The following ARAP1 variants were observed in gnomAD, a reference collection of about 807,000 sequenced individuals.
The protein encoded by ARAP1 is ArfGAP with RhoGAP domain, ankyrin repeat and PH domain 1.
ARAP1 carries 76 observed loss-of-function variants against 172.2 expected under a neutral mutation model. That is an observed-to-expected ratio of 0.44 (90% CI 0.37 to 0.53). The LOEUF is 0.53. ARAP1 is among the 20% of genes least tolerant of loss of function. The pLI, the probability that ARAP1 is intolerant of heterozygous loss-of-function variation, is 0.00. For missense variants in ARAP1, 1,686 were observed against 1,977.5 expected, an observed-to-expected ratio of 0.85 and a Z score of 2.80; for synonymous variants, 804 against 803.3, an observed-to-expected ratio of 1.00 and a Z score of -0.01.
At position 72,696,571 on chromosome 11, in the gene ARAP1, C is replaced by T. The variant is rs1393446128; in HGVS notation, c.3250G>A (p.Ala1084Thr). Residue 1084 changes from alanine (A) to threonine (T), a missense_variant, in exon 23 of 35, where the codon GCC becomes ACC. By Grantham distance (58) the Ala-to-Thr change is moderately conservative. This residue lies in a region of ARAP1 where 379 missense variants were observed against 500.1 expected (regional missense o/e 0.76). Transcript: ENST00000393609. Reference sequence around the variant, plus strand: ...CACCAGTACAGGTGGCTGATAAGGGCCTTCACTGTGGCCCGGTTGACAGGG... The same window carrying T: ...CACCAGTACAGGTGGCTGATAAGGGTCTTCACTGTGGCCCGGTTGACAGGG... ...LPPVNRATVK[A>T]LISHLYCVQC... 1.3e-6 allele frequency: 2 copies of T among 1,595,774 alleles called. No homozygotes were observed. The highest frequency in any genetic ancestry group is 1.7e-5 in the Admixed American group (1 of 57,656).
rs1310646988 is a variant in ARAP1, at chr11:72,695,575, C to G, written c.3474G>C (p.Lys1158Asn). ...CACTGGCAGTGCCAGCCACGCGCATCTTCACAATGGCAGTGATCTCCTCCC... is the reference window on the plus strand; with the variant it reads ...CACTGGCAGTGCCAGCCACGCGCATGTTCACAATGGCAGTGATCTCCTCCC... ...KQREEITAIV[K>N]MRVAGTASGT... is the part of the protein sequence containing the mutation. The change falls in exon 25 of 35, where the codon AAG becomes AAC. Residue 1158 changes from lysine to asparagine, a missense_variant. By Grantham distance (94) the Lys-to-Asn change is moderately conservative. Around this residue, in one of 5 missense-constraint regions of ARAP1, gnomAD observed 379 missense variants for 500.1 expected, o/e 0.76. Coordinates refer to ENST00000393609, the MANE Select transcript of ARAP1 (RefSeq NM_001040118.3). The surrounding 1 kb of genome is among the most constrained non-coding windows in gnomAD (Gnocchi z 4.4). 1 of 1,614,020 alleles carries G rather than the reference C, an allele frequency of 6.2e-7. No individual in the cohort carries two copies. Among genetic ancestry groups the G allele is most frequent in the African/African-American group, 1.3e-5 (1 of 74,948 alleles).
In ARAP1 at chr11:72,693,513, T is replaced by C. The variant is rs1356159413; in HGVS notation, c.3809-43A>G. 3 of 1,588,502 alleles carry C rather than the reference T, an allele frequency of 1.9e-6. No homozygotes were observed. The highest frequency in any genetic ancestry group is 2.6e-6 in the Non-Finnish European group (3 of 1,163,958). ...AGTGGGCACAGGCTGCACCAACCCC[T>C]ACCCGGGGCTGGGTCCCAGGATGAA... On this transcript the variant is annotated intron_variant, in intron 28 of 34. Transcript: ENST00000393609. This position sits in a 1 kb window ranked among gnomAD's most constrained non-coding sequence, Gnocchi z 4.6.
At chr11:72,685,999 C>A in intron 34 of ARAP1, 43 bp downstream of exon 34, 1 of 1,613,656 alleles carries the variant, frequency 6.2e-7, no homozygotes, top group East Asian at 2.2e-5. Flanking sequence ...GGCACCCAGC[C>A]AGGCCCCCAG....
At position 72,695,646 on chromosome 11, in the gene ARAP1, G is replaced by A. The variant is rs368907367; in HGVS notation, c.3421-18C>T. The A allele has an allele frequency of 1.2e-6, 2 of 1,613,944 alleles. No homozygotes were observed. The highest frequency in any genetic ancestry group is 2.7e-5 in the African/African-American group (2 of 74,928). On this transcript the variant is annotated intron_variant, in intron 24 of 34. Coordinates refer to ENST00000393609, the MANE Select transcript of ARAP1 (RefSeq NM_001040118.3). The surrounding 1 kb of genome is among the most constrained non-coding windows in gnomAD (Gnocchi z 4.4). ...TCATCCACCTGGGAAGGGGCGAGAG[G>A]CAGGGACAGGTGGTCACCGTCATCT...
intron 2 of ARAP1, among the ~76,000 whole-genome samples, chr11:72,731,060 C>T (rs970577085): frequency 5.3e-5 from 8 of 152,144 alleles, no homozygotes; most frequent in Non-Finnish European, 7.3e-5. Flanking sequence ...TGTGCAGCTA[C>T]TGGTAAATGA....
chr11:72,699,240 G>C lies in ARAP1; in HGVS notation c.2439-133C>G. 1.5e-6 allele frequency: 2 copies of C among 1,374,866 alleles called. No homozygotes were observed. Among genetic ancestry groups the C allele is most frequent in the Non-Finnish European group, 2.0e-6 (2 of 996,666 alleles). The allele number at this position is 1,374,866 out of a possible 1,614,324, so 85.2% of individuals were successfully genotyped here. On this transcript the variant is annotated intron_variant, in intron 17 of 34. Transcript: ENST00000393609. This position sits in a 1 kb window ranked among gnomAD's most constrained non-coding sequence, Gnocchi z 4.2. ...TTGTCCTTATTCTGGTCCCCTAAGA[G>C]GTGGTGGAAAAGTCTTGGGCTGGGG...
At chr11:72,687,163 T>C (rs746670790) in intron 33 of ARAP1, 2 of 509,590 alleles carry the variant, frequency 3.9e-6, no homozygotes, top group Non-Finnish European at 7.2e-6. Context: ...CACTGGGCTA[T>C]AACTGGCCAC....
intron 31 of ARAP1, among the ~76,000 whole-genome samples, 176 bp from the exon 32 acceptor site, chr11:72,687,914 G>A (rs984190958): frequency 6.6e-6 from 1 of 152,044 alleles, no homozygotes; most frequent in Admixed American, 6.6e-5. Context: ...AGCCTCCCAG[G>A]CCCTTGACAC....
Position 72,697,079 on chromosome 11 carries a change from C to T in ARAP1, c.3070G>A (p.Val1024Met). Residue 1024 changes from valine (V) to methionine (M), a missense_variant, in exon 22 of 35, where the codon GTG becomes ATG. Coordinates refer to ENST00000393609, the MANE Select transcript of ARAP1 (RefSeq NM_001040118.3). ...TTGAGCGCCGAGGAAACATCATCCA[C>T]GTGCTGCTCGCCCTCCTTGAGGTGC... is the stretch of plus-strand genomic sequence containing the variant. ...SVHLKEGEQH[V>M]DDVSSALKRF... is the part of the protein sequence containing the mutation. 1.2e-6 allele frequency: 2 copies of T among 1,609,934 alleles called. No individual in the cohort carries two copies. The highest frequency in any genetic ancestry group is 1.7e-6 in the Non-Finnish European group (2 of 1,179,934).
chr11:72,700,853 C>T (rs1437000056), intron 16 of ARAP1, among the ~76,000 whole-genome samples: 1 of 152,172 alleles, frequency 6.6e-6, no homozygotes, highest in Admixed American at 6.5e-5. Context: ...ACTAAATTAG[C>T]CAGGCATGAT....
chr11:72,685,670 G>A lies in ARAP1; in HGVS notation c.4347C>T (p.Asn1449=), dbSNP rs151103578. ...FTADPLSLLR[N]V is the part of the protein sequence containing the mutation. ...CAAGGATGGGCTCCTGTGCTCAGACGTTGCGCAGAAGCTGCAGGAAGGCAA... is the reference window on the plus strand; with the variant it reads ...CAAGGATGGGCTCCTGTGCTCAGACATTGCGCAGAAGCTGCAGGAAGGCAA... Residue 1449 remains asparagine, a synonymous_variant, in exon 35 of 35, where the codon AAC becomes AAT. Coordinates refer to ENST00000393609, the MANE Select transcript of ARAP1 (RefSeq NM_001040118.3). 108 of 1,613,968 alleles carry A rather than the reference G, an allele frequency of 6.7e-5. No homozygotes were observed. Among genetic ancestry groups the A allele is most frequent in the Admixed American group, 1.5e-4 (9 of 60,004 alleles).
chr11:72,712,921 GT>G, intron 5 of ARAP1: 1 of 598,230 alleles, frequency 1.7e-6, no homozygotes, highest in Non-Finnish European at 3.0e-6. Context: ...AACACACAGG[GT>G]GGGGGGAGGC....
chr11:72,704,126 G>A (rs1215974705), intron 14 of ARAP1, 26 bp downstream of exon 14: 1 of 1,613,868 alleles, frequency 6.2e-7, no homozygotes, highest in Admixed American at 1.7e-5. Flanking sequence ...TGGTCCCAAG[G>A]GGCCCCAGAG....
At chr11:72,690,024 G>A (rs182429932) in intron 30 of ARAP1, among the ~76,000 whole-genome samples, 100 of 152,324 alleles carry the variant, frequency 6.6e-4, no homozygotes, top group Admixed American at 2.7e-3. Context: ...AAAGAGATTC[G>A]GCTGCAGGCA....
chr11:72,719,831 C>T (rs1857435061), intron 3 of ARAP1, among the ~76,000 whole-genome samples: 1 of 152,134 alleles, frequency 6.6e-6, no homozygotes, highest in African/African-American at 2.4e-5. Flanking sequence ...TCAGTGCATA[C>T]TTACAGGCCT....
rs10570876 is a variant in ARAP1, at chr11:72,725,295, CCTCTCTCT to C, written c.509+1317_509+1324del. On this transcript the variant is annotated intron_variant, in intron 3 of 34. Transcript: ENST00000393609. This position sits in a 1 kb window ranked among gnomAD's most constrained non-coding sequence, Gnocchi z 4.3. ...TTCTCTATCCTCTTCTCTCTTCTAA[CCTCTCTCT>C]CTCTCTCTCTCTCTCTTTTTCTCTC... is the stretch of plus-strand genomic sequence containing the variant. Among the ~76,000 whole-genome samples, 489 of 147,972 alleles carry C rather than the reference CCTCTCTCT, an allele frequency of 3.3e-3. 2 individuals carry two copies. The highest frequency in any genetic ancestry group is 5.3e-3 in the Non-Finnish European group (357 of 66,870).
At chr11:72,722,507 G>T (rs1418881729) in intron 3 of ARAP1, 3 of 289,544 alleles carry the variant, frequency 1.0e-5, no homozygotes, top group Non-Finnish European at 1.5e-5. Flanking sequence ...AAGCCCTGGC[G>T]GTGGCCTCTC....
At chr11:72,713,356 C>T in intron 4 of ARAP1, 113 bp from the exon 5 acceptor site, 3 of 963,024 alleles carry the variant, frequency 3.1e-6, no homozygotes, top group Non-Finnish European at 4.7e-6. Context: ...ATCCCCACCT[C>T]CCCCTGGCTT....
intron 2 of ARAP1, among the ~76,000 whole-genome samples, chr11:72,729,287 A>G (rs895957623): frequency 1.3e-5 from 2 of 152,198 alleles, no homozygotes; most frequent in African/African-American, 4.8e-5. Context: ...TGTATCAAAG[A>G]CTTCAGTATT....
Sources: gnomAD v4.1 joint callset for allele counts (sites outside exome capture counted in the v4.1 genomes callset) on GRCh38, gnomAD v4.1.1 for gene constraint, gnomAD v4.1.1 regional missense constraint, Gnocchi (gnomAD v3.1) non-coding constraint, MANE v1.5 for transcripts, NCBI Gene and HGNC (gene_info 2026-07-23, HGNC 2026-07-21) for gene names.